The following DCDC1 variants were observed in gnomAD, a reference collection of about 807,000 sequenced individuals.
DCDC1 encodes doublecortin domain containing 1.
Under a neutral mutation model 178.3 loss-of-function variants are expected in DCDC1, and 200 were observed. That is an observed-to-expected ratio of 1.12 (90% CI 1.00 to 1.26). The LOEUF (loss-of-function observed/expected upper bound fraction) is 1.26, where lower values mean the gene tolerates loss of function less well. Among genes scored for constraint, DCDC1 ranks in the 50% most tolerant of loss-of-function variants. The probability of loss-of-function intolerance (pLI) is 0.00; values close to 1 mark genes in which losing one functional copy is unlikely to be tolerated. For missense variants in DCDC1, 1,983 were observed against 1,749.2 expected, an observed-to-expected ratio of 1.13 and a Z score of -2.38; for synonymous variants, 690 against 604.8, an observed-to-expected ratio of 1.14 and a Z score of -2.07.
chr11:31,111,294 G>GA lies in DCDC1; in HGVS notation c.1486-934dup, dbSNP rs573318086. Among the ~76,000 whole-genome samples, 430 of 141,566 alleles carry GA rather than the reference G, an allele frequency of 3.0e-3. 1 individual carries two copies. Among genetic ancestry groups the GA allele is most frequent in the Middle Eastern group, 7.4e-3 (2 of 272 alleles). 92.9% of individuals were successfully genotyped at this position (141,566 alleles called of 152,430 possible). On this transcript the variant is annotated intron_variant, in intron 11 of 38. Coordinates refer to ENST00000684477, the MANE Select transcript of DCDC1 (RefSeq NM_001387274.1). ...TTTGGAAGAATATTTATTTAAAAAT[G>GA]AAAAAAAAAAACTACCTTTTTTATA...
intron 1 of DCDC1, among the ~76,000 whole-genome samples, chr11:31,361,572 C>T (rs1042248069): frequency 2.0e-5 from 3 of 152,120 alleles, no homozygotes; most frequent in Non-Finnish European, 2.9e-5. Context: ...ACCTCTGCCT[C>T]CCAGGTTCAA....
intron 9 of DCDC1, among the ~76,000 whole-genome samples, chr11:31,138,979 T>C (rs1207237302): frequency 1.3e-5 from 2 of 151,776 alleles, no homozygotes; most frequent in African/African-American, 4.8e-5. Context: ...GATAAGGAGT[T>C]GGGAAATGTT....
At chr11:30,979,810 A>C (rs967269727) in intron 20 of DCDC1, among the ~76,000 whole-genome samples, 2 of 152,218 alleles carry the variant, frequency 1.3e-5, no homozygotes, top group Non-Finnish European at 2.9e-5. Flanking sequence ...TCATAAAAGA[A>C]GTCACCCAAT....
intron 14 of DCDC1, among the ~76,000 whole-genome samples, chr11:31,102,690 G>T (rs1292477620): frequency 6.6e-6 from 1 of 152,194 alleles, no homozygotes; most frequent in Non-Finnish European, 1.5e-5. Context: ...AGGATCTGCT[G>T]CAGTGTCCAA....
intron 21 of DCDC1, among the ~76,000 whole-genome samples, chr11:30,947,187 C>G (rs1948105399): frequency 6.6e-6 from 1 of 151,934 alleles, no homozygotes; most frequent in African/African-American, 2.4e-5. Flanking sequence ...AAAAATGCAT[C>G]ATAAAGATAC....
chr11:31,033,529 C>A (rs1953811316), intron 20 of DCDC1, among the ~76,000 whole-genome samples: 1 of 152,002 alleles, frequency 6.6e-6, no homozygotes, highest in African/African-American at 2.4e-5. Flanking sequence ...AGTATAAATT[C>A]ATGAATATTT....
chr11:31,210,655 G>C (rs1440426241), intron 9 of DCDC1, among the ~76,000 whole-genome samples: 1 of 149,190 alleles, frequency 6.7e-6, no homozygotes, highest in African/African-American at 2.5e-5. Flanking sequence ...AGGTTGCAAT[G>C]AGCCAAGATC....
At chr11:31,087,293 T>A (rs548275380) in intron 17 of DCDC1, among the ~76,000 whole-genome samples, 2 of 152,202 alleles carry the variant, frequency 1.3e-5, no homozygotes, top group East Asian at 3.9e-4. Flanking sequence ...TAGTTTTTTT[T>A]AATCTTTTCA....
intron 9 of DCDC1, among the ~76,000 whole-genome samples, chr11:31,161,200 AG>A (rs1317894259): frequency 6.6e-6 from 1 of 152,158 alleles, no homozygotes; most frequent in Admixed American, 6.6e-5. Context: ...AGAGGTACAA[AG>A]AAAAAAAAGA....
intron 9 of DCDC1, among the ~76,000 whole-genome samples, chr11:31,194,678 C>T (rs1007129875): frequency 2.0e-5 from 3 of 151,878 alleles, no homozygotes; most frequent in African/African-American, 7.3e-5. Context: ...TAATCTTTTC[C>T]TTATTGATGG....
At chr11:30,920,206 T>C (rs1321406250) in intron 25 of DCDC1, among the ~76,000 whole-genome samples, 1 of 152,154 alleles carries the variant, frequency 6.6e-6, no homozygotes, top group Non-Finnish European at 1.5e-5. Context: ...TGAGGGTCAA[T>C]GACAGGCATG....
intron 9 of DCDC1, among the ~76,000 whole-genome samples, chr11:31,232,100 A>G (rs1975842517): frequency 6.6e-6 from 1 of 152,218 alleles, no homozygotes; most frequent in Non-Finnish European, 1.5e-5. Context: ...TTATCTGCAA[A>G]TAAAGTTACA....
At chr11:31,322,979 A>T (rs1486514190) in intron 3 of DCDC1, among the ~76,000 whole-genome samples, 1 of 152,202 alleles carries the variant, frequency 6.6e-6, no homozygotes, top group African/African-American at 2.4e-5. Context: ...AGTTTTATTA[A>T]ACACCTTTAC....
chr11:30,914,502 T>C (rs1945682045), intron 27 of DCDC1, among the ~76,000 whole-genome samples: 6 of 152,182 alleles, frequency 3.9e-5, no homozygotes, highest in Admixed American at 3.3e-4. Context: ...TTGTACACTA[T>C]TTCAAGAGAT....
rs150289841 is a variant in DCDC1 at position 31,075,788 on chromosome 11, C to A, written c.2298+2077G>T. 1.6e-3 allele frequency among the ~76,000 whole-genome samples: 248 copies of A among 152,342 alleles called. 3 individuals are homozygous for A. The highest frequency in any genetic ancestry group is 5.5e-3 in the African/African-American group (228 of 41,584). On this transcript the variant is annotated intron_variant, in intron 18 of 38. Coordinates refer to ENST00000684477, the MANE Select transcript of DCDC1 (RefSeq NM_001387274.1). ...GTTCCTTGTAAATTCTAGACATTAG[C>A]CCCCTGTGGGGGACTCTCAAAGTGC... is the stretch of plus-strand genomic sequence containing the variant.
chr11:31,284,168 T>G (rs1946656471), intron 7 of DCDC1, among the ~76,000 whole-genome samples: 1 of 152,224 alleles, frequency 6.6e-6, no homozygotes, highest in African/African-American at 2.4e-5. Context: ...ATGGCCAGTC[T>G]GATACTAATT....
At chr11:31,047,588 G>T (rs954833031) in intron 20 of DCDC1, among the ~76,000 whole-genome samples, 6 of 152,036 alleles carry the variant, frequency 3.9e-5, no homozygotes, top group Non-Finnish European at 8.8e-5. Context: ...CTCCAACTTG[G>T]CAATAGAGGT....
chr11:31,116,838 C>A (rs1960037507), intron 11 of DCDC1, among the ~76,000 whole-genome samples: 2 of 152,000 alleles, frequency 1.3e-5, no homozygotes, highest in South Asian at 2.1e-4. Flanking sequence ...AATTCTTAAA[C>A]TTCATCAATC....
intron 9 of DCDC1, among the ~76,000 whole-genome samples, chr11:31,216,360 A>C: frequency 6.6e-6 from 1 of 152,166 alleles, no homozygotes; most frequent in East Asian, 1.9e-4. Flanking sequence ...ATGCTGTAAA[A>C]GCTTATAGCA....
Sources: allele counts gnomAD v4.1 joint callset (sites outside exome capture counted in the v4.1 genomes callset), GRCh38; gene constraint gnomAD v4.1.1; transcripts MANE v1.5; gene names NCBI Gene and HGNC (gene_info 2026-07-23, HGNC 2026-07-21).